CATSPERE: variants seen among roughly 807,000 people sequenced by gnomAD.
CATSPERE encodes cation channel sperm-associated auxiliary subunit epsilon.
CATSPERE carries 93 observed loss-of-function variants against 114.1 expected under a neutral mutation model. The observed-to-expected ratio is 0.81, with a 90% confidence interval of 0.69 to 0.97. The LOEUF (loss-of-function observed/expected upper bound fraction) is 0.97. Ranked by LOEUF, CATSPERE falls within the 50% of genes least tolerant of loss-of-function variation. The pLI is 0.00. For synonymous variants in CATSPERE, 341 were observed against 384.1 expected (o/e 0.89, Z 1.31); for missense variants, 1,058 against 1,131.6 (o/e 0.93, Z 0.93).
intron 1 of CATSPERE, among the ~76,000 whole-genome samples, chr1:244,455,947 G>A (rs1347840041): frequency 1.3e-5 from 2 of 152,194 alleles, no homozygotes; most frequent in African/African-American, 4.8e-5. Flanking sequence ...TTCTGAGAGA[G>A]CTTTGGTGTA....
intron 8 of CATSPERE, among the ~76,000 whole-genome samples, chr1:244,522,292 A>C (rs999949766): frequency 6.6e-6 from 1 of 152,216 alleles, no homozygotes; most frequent in Non-Finnish European, 1.5e-5. Flanking sequence ...ACCAATGAAA[A>C]CAAAGACACA....
chr1:244,607,965 G>A lies in CATSPERE; in HGVS notation c.2403+2171G>A, dbSNP rs572816987. Among the ~76,000 whole-genome samples, 34 of 152,126 alleles carry A rather than the reference G, an allele frequency of 2.2e-4. No individual in the cohort carries two copies. In the South Asian group the frequency reaches 6.8e-3, roughly 31 times the overall value. ...CTCCTAAAAATAAAAAAATTAGCTGGGCATGCTGGCACACACCTGTAATCC... is the reference window on the plus strand; with the variant it reads ...CTCCTAAAAATAAAAAAATTAGCTGAGCATGCTGGCACACACCTGTAATCC... On this transcript the variant is annotated intron_variant, in intron 18 of 21. Coordinates refer to ENST00000366534, the MANE Select transcript of CATSPERE (RefSeq NM_001130957.2). This position sits in a 1 kb window ranked among gnomAD's most constrained non-coding sequence, Gnocchi z 4.4.
chr1:244,605,589 G>T, intron 17 of CATSPERE, 106 bp from the exon 18 acceptor site: 1 of 646,078 alleles, frequency 1.5e-6, no homozygotes, highest in Non-Finnish European at 2.7e-6. Context: ...TTTATGAAGT[G>T]ATAAAGACAG....
intron 8 of CATSPERE, among the ~76,000 whole-genome samples, chr1:244,541,874 G>A (rs1356650590): frequency 2.8e-5 from 4 of 141,460 alleles, no homozygotes; most frequent in Non-Finnish European, 6.1e-5. Flanking sequence ...GGATGAAATT[G>A]GAAATCATCA....
At chr1:244,455,094 T>A (rs1666006465) in intron 1 of CATSPERE, among the ~76,000 whole-genome samples, 1 of 152,166 alleles carries the variant, frequency 6.6e-6, no homozygotes, top group Non-Finnish European at 1.5e-5. Flanking sequence ...TTCTGTAGGC[T>A]CCTTCTGGGA....
At chr1:244,515,812 A>T (rs562639437) in intron 7 of CATSPERE, among the ~76,000 whole-genome samples, 1 of 151,340 alleles carries the variant, frequency 6.6e-6, no homozygotes, top group African/African-American at 2.4e-5. Flanking sequence ...GTTATTTTTA[A>T]TAACAATACT....
chr1:244,583,715 AC>A, intron 12 of CATSPERE, 148 bp from the exon 13 acceptor site: 1 of 623,042 alleles, frequency 1.6e-6, no homozygotes, highest in Non-Finnish European at 2.8e-6. Context: ...GAGAGCTGTT[AC>A]CAGCAGCACC....
chr1:244,459,875 G>A (rs576506964), upstream of CATSPERE, among the ~76,000 whole-genome samples: 7 of 152,202 alleles, frequency 4.6e-5, no homozygotes, highest in Non-Finnish European at 2.9e-5. Flanking sequence ...GAGTTGCTCA[G>A]ACAGTTGCAA....
upstream of CATSPERE, among the ~76,000 whole-genome samples, chr1:244,460,908 ACT>A (rs1377945518): frequency 2.6e-5 from 4 of 152,284 alleles, no homozygotes; most frequent in East Asian, 7.7e-4. Context: ...ACAGAGTGTG[ACT>A]CTCTCAAAAA....
intron 6 of CATSPERE, among the ~76,000 whole-genome samples, chr1:244,496,697 G>GA (rs1041744218): frequency 7.2e-5 from 11 of 152,098 alleles, no homozygotes; most frequent in Non-Finnish European, 8.8e-5. Flanking sequence ...CCATCTTAAT[G>GA]AAAAAAATAT....
rs190892479 is a variant in CATSPERE at position 244,544,981 on chromosome 1, A to G, written c.537-7341A>G. ...AATGTCCTACCTCAAGGGTATATCA[A>G]TTCTCCAGCCCTATGTCATAATTTA... On this transcript the variant is annotated intron_variant, in intron 8 of 21. Coordinates refer to ENST00000366534, the MANE Select transcript of CATSPERE (RefSeq NM_001130957.2). 5.4e-3 allele frequency among the ~76,000 whole-genome samples: 817 copies of G among 152,300 alleles called. 2 individuals carry two copies. Among genetic ancestry groups the G allele is most frequent in the Non-Finnish European group, 7.3e-3 (495 of 68,028 alleles).
chr1:244,461,790 AC>A (rs901006720), intron 1 of CATSPERE, among the ~76,000 whole-genome samples: 3 of 152,044 alleles, frequency 2.0e-5, no homozygotes, highest in African/African-American at 7.2e-5. Flanking sequence ...ATGAAATCTT[AC>A]TTTTTTGTTT....
At chr1:244,553,487 G>A (rs957580839) in intron 9 of CATSPERE, among the ~76,000 whole-genome samples, 63 of 150,840 alleles carry the variant, frequency 4.2e-4, no homozygotes, top group Non-Finnish European at 6.6e-4. Context: ...AGGCTGAGGT[G>A]GGAGAATGGC....
chr1:244,589,263 G>A (rs1413350333), intron 14 of CATSPERE, among the ~76,000 whole-genome samples: 1 of 152,136 alleles, frequency 6.6e-6, no homozygotes, highest in Non-Finnish European at 1.5e-5. Flanking sequence ...TCTTATCTGA[G>A]TATTTATGAA....
chr1:244,540,130 T>G (rs35526845), intron 8 of CATSPERE, among the ~76,000 whole-genome samples: 17,250 of 150,698 alleles, frequency 0.11, 1,096 homozygotes, highest in South Asian at 0.16. Flanking sequence ...CCACTCCTAT[T>G]CAACATAGTG....
intron 15 of CATSPERE, among the ~76,000 whole-genome samples, chr1:244,592,106 T>G (rs1348935904): frequency 1.3e-5 from 2 of 152,174 alleles, no homozygotes; most frequent in Admixed American, 6.5e-5. Context: ...CTCAGCACTT[T>G]GGGAGGCCGA....
intron 10 of CATSPERE, among the ~76,000 whole-genome samples, chr1:244,564,518 G>A (rs1468509400): frequency 6.6e-6 from 1 of 152,180 alleles, no homozygotes; most frequent in Non-Finnish European, 1.5e-5. Flanking sequence ...TAGCAACTGT[G>A]AATGGCAGTT....
upstream of CATSPERE, chr1:244,461,251 AGCGGCGC>A: frequency 2.2e-6 from 1 of 448,994 alleles, no homozygotes; most frequent in Non-Finnish European, 3.7e-6. Context: ...GAGCCCAGGT[AGCGGCGC>A]GCACGCGCAC....
chr1:244,617,084 G>A (rs533350234), intron 19 of CATSPERE, among the ~76,000 whole-genome samples: 2 of 152,160 alleles, frequency 1.3e-5, no homozygotes, highest in South Asian at 4.1e-4. Context: ...AAGGCAGGCA[G>A]GAGATAGTTT....
Sources: gnomAD v4.1 joint callset for allele counts (sites outside exome capture counted in the v4.1 genomes callset) on GRCh38, gnomAD v4.1.1 for gene constraint, Gnocchi (gnomAD v3.1) non-coding constraint, MANE v1.5 for transcripts, NCBI Gene and HGNC (gene_info 2026-07-23, HGNC 2026-07-21) for gene names.